Variants in TBC1D28 observed in about 807,000 individuals in gnomAD.
TBC1D28 encodes the protein TBC1 domain family member 28, also known as TBC1 domain family, member 28.
A neutral mutation model predicts 29.2 loss-of-function variants in TBC1D28; 20 were observed. The ratio of observed to expected loss-of-function variants is 0.68; its 90% confidence interval spans 0.48 to 0.99. TBC1D28 has a LOEUF of 0.99. Among genes scored for constraint, TBC1D28 ranks in the 50% least tolerant of loss-of-function variants. TBC1D28 has a pLI of 0.00. For synonymous variants in TBC1D28, 65 were observed against 90.9 expected, an observed-to-expected ratio of 0.71 and a Z score of 1.62; for missense variants, 205 against 243.7, an observed-to-expected ratio of 0.84 and a Z score of 1.06.
intron 5 of TBC1D28, 93 bp from the exon 7 acceptor site, chr17:18,638,794 G>A (rs80078274): frequency 0.22 from 345,019 of 1,538,862 alleles, 40,089 homozygotes; most frequent in Non-Finnish European, 0.24. Flanking sequence ...GCCCTGAAGG[G>A]ACCCAACCTG....
intron 4 of TBC1D28, among the ~76,000 whole-genome samples, chr17:18,640,383 C>T (rs1239466080): frequency 5.6e-5 from 8 of 143,738 alleles, no homozygotes; most frequent in Admixed American, 2.1e-4. Flanking sequence ...TCCCTCTCTC[C>T]ATCCTGTGAG....
chr17:18,638,707 A>G lies in TBC1D28; in HGVS notation c.199-6T>C. On this transcript the variant is annotated splice_region_variant and splice_polypyrimidine_tract_variant and intron_variant, in intron 5 of 8. Coordinates refer to ENST00000345096, the Ensembl canonical transcript of TBC1D28. ...TTACTTTCCTTGCGTCTTTGCTGTCAAATGAGCCATGATGGAGTTAGCGGA... is the reference window on the plus strand; with the variant it reads ...TTACTTTCCTTGCGTCTTTGCTGTCGAATGAGCCATGATGGAGTTAGCGGA... 1.2e-6 allele frequency: 2 copies of G among 1,614,040 alleles called. No homozygotes were observed. Among genetic ancestry groups the G allele is most frequent in the Non-Finnish European group, 1.7e-6 (2 of 1,179,892 alleles).
chr17:18,636,646 C>A, intron 8 of TBC1D28, 49 bp from the exon 10 acceptor site: 2 of 1,587,712 alleles, frequency 1.3e-6, no homozygotes, highest in South Asian at 1.1e-5. Flanking sequence ...CAGACGCTGT[C>A]AATTTCATTT....
chr17:18,643,901 C>G (rs531538847), upstream of TBC1D28, among the ~76,000 whole-genome samples: 156 of 152,314 alleles, frequency 1.0e-3, 1 homozygote, highest in Middle Eastern at 0.01. Flanking sequence ...AGCACCACCT[C>G]CCTCCACCAC....
chr17:18,643,759 G>T (rs1012245588), upstream of TBC1D28, among the ~76,000 whole-genome samples: 1 of 152,202 alleles, frequency 6.6e-6, no homozygotes, highest in Non-Finnish European at 1.5e-5. Flanking sequence ...CAGGCAGAGG[G>T]CTCCCTACTC....
chr17:18,640,525 G>A (rs148759673), intron 4 of TBC1D28, among the ~76,000 whole-genome samples: 14 of 152,234 alleles, frequency 9.2e-5, no homozygotes, highest in Non-Finnish European at 1.6e-4. Flanking sequence ...CCAGGGCCCT[G>A]CCCTTCTTCT....
At chr17:18,636,707 C>T (rs1445319359) in intron 8 of TBC1D28, 110 bp from the exon 10 acceptor site, 1 of 1,369,036 alleles carries the variant, frequency 7.3e-7, no homozygotes, top group Non-Finnish European at 1.0e-6. Context: ...ATGATCCCCC[C>T]AAATAAGCAG....
chr17:18,643,174 C>T (rs189294231), upstream of TBC1D28, among the ~76,000 whole-genome samples: 207 of 152,298 alleles, frequency 1.4e-3, no homozygotes, highest in Middle Eastern at 0.014. Context: ...ACTCCCCACA[C>T]GGGGCAGTCC....
At chr17:18,636,546 C>G in exon 9 of TBC1D28, 1 of 1,613,850 alleles carries the variant, frequency 6.2e-7, no homozygotes, top group Non-Finnish European at 8.5e-7. Context: ...CGGGAATACT[C>G]ACAGGGTTAT....
chr17:18,641,779 G>A (rs528455786), intron 1 of TBC1D28, 46 bp from the exon 3 acceptor site: 7 of 202,302 alleles, frequency 3.5e-5, no homozygotes, highest in African/African-American at 1.4e-4. Context: ...TTTTCCGTAG[G>A]AAGCAAGACA....
At chr17:18,639,244 C>T (rs1251667550) in intron 4 of TBC1D28, 30 bp from the exon 6 acceptor site, 1 of 1,608,670 alleles carries the variant, frequency 6.2e-7, no homozygotes, top group African/African-American at 1.3e-5. Flanking sequence ...GAGCTGAGGA[C>T]CTGCCCAGGC....
chr17:18,639,022 G>A, intron 5 of TBC1D28, 153 bp downstream of exon 6: 2 of 1,273,462 alleles, frequency 1.6e-6, no homozygotes, highest in Non-Finnish European at 2.2e-6. Context: ...AGCCCTCATG[G>A]GAACAGAGTC....
chr17:18,637,666 C>G (rs2031562648), intron 8 of TBC1D28, among the ~76,000 whole-genome samples, 198 bp downstream of exon 9: 1 of 151,932 alleles, frequency 6.6e-6, no homozygotes. Flanking sequence ...GGGTTCTGGC[C>G]CTACATGTCC....
chr17:18,641,630 A>G lies in TBC1D28; in HGVS notation c.-2+2T>C. ...CCCGAACACCCCAAGGCAGACACAC[A>G]CCTGCCCTGGCAGGACAAACGGCGT... On this transcript the variant is annotated splice_donor_variant, in intron 2 of 8. Transcript: ENST00000345096. LOFTEE classifies it low-confidence loss of function (5UTR_SPLICE). 1 of 498,456 alleles carries G rather than the reference A, an allele frequency of 2.0e-6. No individual in the cohort carries two copies. The allele number at this position is 498,456 out of a possible 1,614,324, so 30.9% of individuals were successfully genotyped here.
exon 1 of TBC1D28, chr17:18,641,897 T>G (rs1351941191): frequency 5.6e-6 from 1 of 177,520 alleles, no homozygotes; most frequent in African/African-American, 2.4e-5. Flanking sequence ...GATGATCTGT[T>G]GACTCCAGAG....
chr17:18,639,435 G>C, intron 4 of TBC1D28, among the ~76,000 whole-genome samples: 1 of 130,614 alleles, frequency 7.7e-6, no homozygotes, highest in Non-Finnish European at 1.6e-5. Context: ...CTGGGTGGGG[G>C]GGACACTTGA....
chr17:18,638,244 T>A, intron 7 of TBC1D28, 69 bp downstream of exon 8: 1 of 1,558,654 alleles, frequency 6.4e-7, no homozygotes, highest in African/African-American at 1.4e-5. Flanking sequence ...TCCCTCCAGC[T>A]GGAGTCCTGG....
chr17:18,638,604 C>T lies in TBC1D28; in HGVS notation c.279+17G>A. The T allele has an allele frequency of 2.5e-6, 4 of 1,614,224 alleles. No individual in the cohort carries two copies. The highest frequency in any genetic ancestry group is 3.4e-6 in the Non-Finnish European group (4 of 1,180,030). ...CTGCAGAGAGCAGTCACGGGGGCCGCTTCCTCCCCATGTTACCTTCTTGGT... is the reference window on the plus strand; with the variant it reads ...CTGCAGAGAGCAGTCACGGGGGCCGTTTCCTCCCCATGTTACCTTCTTGGT... On this transcript the variant is annotated intron_variant, in intron 6 of 8. Coordinates refer to ENST00000345096, the Ensembl canonical transcript of TBC1D28.
chr17:18,644,124 C>T (rs1224989243), upstream of TBC1D28, among the ~76,000 whole-genome samples: 4 of 151,764 alleles, frequency 2.6e-5, no homozygotes, highest in South Asian at 2.1e-4. Flanking sequence ...TGGGTACATT[C>T]GGGGACAGCA....
Sources: allele counts gnomAD v4.1 joint callset (sites outside exome capture counted in the v4.1 genomes callset), GRCh38; gene constraint gnomAD v4.1.1; transcripts MANE v1.5; gene names NCBI Gene and HGNC (gene_info 2026-07-23, HGNC 2026-07-21).